The following RYR2 variants were observed in gnomAD, a reference collection of about 807,000 sequenced individuals.
RYR2 encodes ryanodine receptor 2.
In RYR2, 227 loss-of-function variants were observed where a neutral mutation model predicts 601.1. That is an observed-to-expected ratio of 0.38 (90% CI 0.34 to 0.42). The LOEUF is 0.42. Among genes scored for constraint, RYR2 ranks in the 10% least tolerant of loss-of-function variants. The probability of loss-of-function intolerance (pLI) is 1.00; values close to 1 mark genes in which losing one functional copy is unlikely to be tolerated. For missense variants in RYR2, 4,646 were observed against 6,156.5 expected (o/e 0.75, Z 8.21); for synonymous variants, 2,223 against 2,175.1 (o/e 1.02, Z -0.61).
chr1:237,054,358 A>C (rs1314666089), intron 1 of RYR2, among the ~76,000 whole-genome samples: 2 of 127,942 alleles, frequency 1.6e-5, no homozygotes, highest in East Asian at 5.3e-4. Context: ...TCTGTCAGGA[A>C]AAATGGTAAA....
intron 1 of RYR2, among the ~76,000 whole-genome samples, chr1:237,262,703 C>T (rs564104116): frequency 5.1e-4 from 77 of 152,180 alleles, no homozygotes; most frequent in Non-Finnish European, 6.8e-4. Context: ...CACTGGTTTC[C>T]GTGGAGTTTA....
chr1:237,754,428 GT>G (rs986280941), intron 80 of RYR2, among the ~76,000 whole-genome samples: 4 of 152,040 alleles, frequency 2.6e-5, no homozygotes, highest in Non-Finnish European at 5.9e-5. Flanking sequence ...GCAAATTGTT[GT>G]TTTGTTCTGT....
intron 63 of RYR2, among the ~76,000 whole-genome samples, chr1:237,688,593 G>T (rs1043603685): frequency 6.6e-6 from 1 of 152,028 alleles, no homozygotes; most frequent in African/African-American, 2.4e-5. Flanking sequence ...AATTGCCTGA[G>T]TTTTTACATT....
Position 237,833,466 on chromosome 1 carries a change from A to G in RYR2, c.*819A>G, listed in dbSNP as rs1232199220. On this transcript the variant is annotated 3_prime_UTR_variant, in exon 105 of 105. Coordinates refer to ENST00000366574, the MANE Select transcript of RYR2 (RefSeq NM_001035.3). Reference sequence around the variant, plus strand: ...TGAAAACAAAAAGACTGCAAAAAATACACTTTCAAAAGAAACCATTCATTG... The same window carrying G: ...TGAAAACAAAAAGACTGCAAAAAATGCACTTTCAAAAGAAACCATTCATTG... 2.6e-5 allele frequency: 4 copies of G among 152,454 alleles called. No individual in the cohort carries two copies. The highest frequency in any genetic ancestry group is 7.3e-5 in the African/African-American group (3 of 41,370). The allele number at this position is 152,454 out of a possible 1,614,324, so 9.4% of individuals were successfully genotyped here.
chr1:237,296,754 G>T (rs536704876), intron 2 of RYR2, among the ~76,000 whole-genome samples: 1 of 152,322 alleles, frequency 6.6e-6, no homozygotes, highest in South Asian at 2.1e-4. Context: ...AGTCACAGAA[G>T]ACAAAGGGGC....
chr1:237,098,821 C>A (rs1667760953), intron 1 of RYR2, among the ~76,000 whole-genome samples: 1 of 152,168 alleles, frequency 6.6e-6, no homozygotes, highest in Admixed American at 6.5e-5. Flanking sequence ...TTCAGTTGTG[C>A]AGGATGAATA....
At position 237,784,087 on chromosome 1, in the gene RYR2, C is replaced by G. The variant is rs1434635546; in HGVS notation, c.12375C>G (p.Val4125=). The stretch of plus-strand genomic sequence containing the variant: ...CTTTTCTGGAATTAGCAGAGAGCGT[C>G]CTGAATTATTTCCAGCCCTTTCTGG... ...LQTFLELAES[V]LNYFQPFLGR... The change falls in exon 90 of 105, where the codon GTC becomes GTG. Residue 4125 remains valine, a synonymous_variant. Coordinates refer to ENST00000366574, the MANE Select transcript of RYR2 (RefSeq NM_001035.3). This position sits in a 1 kb window ranked among gnomAD's most constrained non-coding sequence, Gnocchi z 7.1. 2 of 1,613,996 alleles carry G rather than the reference C, an allele frequency of 1.2e-6. No individual in the cohort carries two copies. Among genetic ancestry groups the G allele is most frequent in the South Asian group, 2.2e-5 (2 of 91,080 alleles).
chr1:237,234,082 A>C (rs1685291588), intron 1 of RYR2, among the ~76,000 whole-genome samples: 1 of 152,184 alleles, frequency 6.6e-6, no homozygotes, highest in East Asian at 1.9e-4. Flanking sequence ...TATACATGAA[A>C]TACTGTTTAA....
At position 237,819,074 on chromosome 1, in the gene RYR2, A is replaced by G. The variant is rs910036309; in HGVS notation, c.14472A>G (p.Gly4824=). Residue 4824 remains glycine (G), a synonymous_variant, in exon 101 of 105, where the codon GGA becomes GGG. Coordinates refer to ENST00000366574, the MANE Select transcript of RYR2 (RefSeq NM_001035.3). The surrounding 1 kb of genome is among the most constrained non-coding windows in gnomAD (Gnocchi z 4.0). ...MFHMYVGVRA[G]GGIGDEIEDP... The stretch of plus-strand genomic sequence containing the variant: ...ACATGTATGTTGGAGTTCGTGCTGG[A>G]GGAGGGATCGGGGATGAAATCGAAG... 2 of 1,613,746 alleles carry G rather than the reference A, an allele frequency of 1.2e-6. No homozygotes were observed. Among genetic ancestry groups the G allele is most frequent in the East Asian group, 4.5e-5 (2 of 44,862 alleles).
chr1:237,071,266 C>T (rs1044592251), intron 1 of RYR2, among the ~76,000 whole-genome samples: 2 of 152,052 alleles, frequency 1.3e-5, no homozygotes, highest in African/African-American at 4.8e-5. Context: ...TCTTGTCCCC[C>T]AGGCTGGAGT....
chr1:237,264,708 T>A (rs1334021242), intron 1 of RYR2, among the ~76,000 whole-genome samples: 21 of 151,632 alleles, frequency 1.4e-4, no homozygotes, highest in African/African-American at 4.8e-4. Flanking sequence ...TATTTTTTTT[T>A]TTTTGAGACG....
chr1:237,192,268 G>A (rs1680046495), intron 1 of RYR2, among the ~76,000 whole-genome samples: 1 of 152,102 alleles, frequency 6.6e-6, no homozygotes, highest in African/African-American at 2.4e-5. Context: ...GAGTGCAATG[G>A]TGTGATCTTG....
intron 2 of RYR2, among the ~76,000 whole-genome samples, chr1:237,312,380 G>A (rs1313788452): frequency 2.0e-5 from 3 of 152,114 alleles, no homozygotes; most frequent in Admixed American, 1.3e-4. Flanking sequence ...CTTTACTGTG[G>A]ACTGTCTTCT....
intron 25 of RYR2, among the ~76,000 whole-genome samples, chr1:237,540,246 A>G (rs756229079): frequency 6.6e-6 from 1 of 152,194 alleles, no homozygotes; most frequent in Middle Eastern, 3.4e-3. Flanking sequence ...GGTCCTCACT[A>G]TCTCATATGC....
chr1:237,390,922 A>G (rs1457397827), intron 10 of RYR2, among the ~76,000 whole-genome samples: 1 of 152,210 alleles, frequency 6.6e-6, no homozygotes, highest in Admixed American at 6.5e-5. Context: ...TAGCATATTT[A>G]CATGGGTGAA....
chr1:237,413,833 A>G (rs1214343236), intron 10 of RYR2, among the ~76,000 whole-genome samples: 4 of 151,936 alleles, frequency 2.6e-5, no homozygotes, highest in Non-Finnish European at 5.9e-5. Context: ...CTTTATTTAC[A>G]TGTTTTATTT....
In RYR2 at chr1:237,346,367, CAAA is replaced by C. The variant is rs397975831; in HGVS notation, c.274-9583_274-9581del. Among the ~76,000 whole-genome samples the C allele has an allele frequency of 9.6e-5, 6 of 62,340 alleles. No individual in the cohort carries two copies. In the East Asian group the frequency reaches 2.2e-3, roughly 23 times the overall value. The allele number at this position is 62,340 out of a possible 152,430, so 40.9% of individuals were successfully genotyped here. A position where few individuals can be genotyped will look rare whatever the true frequency, so the allele number is the denominator to read the frequency against. On this transcript the variant is annotated intron_variant, in intron 3 of 104. Coordinates refer to ENST00000366574, the MANE Select transcript of RYR2 (RefSeq NM_001035.3). ...CTGGGCAAAGTGAGAGGGTCTACCT[CAAA>C]AAAAAAAAAAAAAAGTGCATATCCT... is the stretch of plus-strand genomic sequence containing the variant.
At chr1:237,648,701 TA>T in intron 49 of RYR2, 88 bp downstream of exon 49, 1 of 1,366,936 alleles carries the variant, frequency 7.3e-7, no homozygotes, top group Non-Finnish European at 9.8e-7. Context: ...TTCATTAATT[TA>T]TTGACAATGA....
At chr1:237,817,413 C>T (rs944665969) in intron 100 of RYR2, among the ~76,000 whole-genome samples, 1 of 152,150 alleles carries the variant, frequency 6.6e-6, no homozygotes, top group Non-Finnish European at 1.5e-5. Context: ...GCTCCTCATT[C>T]ATCCCACAAA....
Sources: allele counts gnomAD v4.1 joint callset (sites outside exome capture counted in the v4.1 genomes callset), GRCh38; gene constraint gnomAD v4.1.1; non-coding constraint Gnocchi (gnomAD v3.1); transcripts MANE v1.5; gene names NCBI Gene and HGNC (gene_info 2026-07-23, HGNC 2026-07-21).